Variants in PDE1C observed in about 807,000 individuals in gnomAD.
PDE1C encodes phosphodiesterase 1C.
PDE1C carries 62 observed loss-of-function variants against 93.1 expected under a neutral mutation model. The observed-to-expected ratio is 0.67, with a 90% CI of 0.54 to 0.82. The LOEUF is 0.82. Ranked by LOEUF, PDE1C falls within the 40% of genes least tolerant of loss-of-function variation. PDE1C has a pLI of 0.00. For synonymous variants in PDE1C, 325 were observed against 310.1 expected (o/e 1.05, Z -0.50); for missense variants, 742 against 884.6 (o/e 0.84, Z 2.04).
At chr7:32,382,838 C>T (rs746981094) in intron 1 of PDE1C, among the ~76,000 whole-genome samples, 2 of 152,218 alleles carry the variant, frequency 1.3e-5, no homozygotes, top group Non-Finnish European at 2.9e-5. Context: ...CTCCGACACC[C>T]GTGTCGTCTC....
At chr7:32,262,923 T>A (rs1319919634) in intron 1 of PDE1C, among the ~76,000 whole-genome samples, 1 of 152,272 alleles carries the variant, frequency 6.6e-6, no homozygotes. Context: ...TAGTCCTCAC[T>A]TACAAAGTTC....
chr7:31,664,628 T>C, the PDE1C span, among the ~76,000 whole-genome samples: 2 of 152,342 alleles, frequency 1.3e-5, no homozygotes, highest in Non-Finnish European at 2.9e-5. Flanking sequence ...ACATCTGAGA[T>C]GGCTTGAAGG....
At chr7:32,360,502 C>T (rs891917706) in intron 1 of PDE1C, among the ~76,000 whole-genome samples, 31 of 152,124 alleles carry the variant, frequency 2.0e-4, no homozygotes, top group African/African-American at 6.8e-4. Context: ...GTGTGCAGCG[C>T]TGCTCTGGTT....
intron 17 of PDE1C, among the ~76,000 whole-genome samples, chr7:31,765,293 T>A (rs1795072887): frequency 6.6e-6 from 1 of 152,168 alleles, no homozygotes; most frequent in African/African-American, 2.4e-5. Flanking sequence ...AAAAATGAAC[T>A]CCCTCAAGGT....
chr7:32,283,732 G>A (rs1045895572), intron 1 of PDE1C, among the ~76,000 whole-genome samples: 16 of 152,288 alleles, frequency 1.1e-4, no homozygotes, highest in Admixed American at 2.6e-4. Flanking sequence ...CAACGGTCCC[G>A]TCCCAATGCA....
intron 1 of PDE1C, among the ~76,000 whole-genome samples, chr7:32,218,923 G>A (rs1224418743): frequency 1.3e-5 from 2 of 152,166 alleles, no homozygotes. Context: ...TCACAGAGCT[G>A]TGCTGGATGT....
chr7:31,617,270 T>G, the PDE1C span, among the ~76,000 whole-genome samples: 1 of 152,134 alleles, frequency 6.6e-6, no homozygotes. Context: ...AATTTAACTT[T>G]GCAAAGGGGA....
intron 2 of PDE1C, among the ~76,000 whole-genome samples, chr7:31,947,554 C>A (rs1806786607): frequency 6.6e-6 from 1 of 152,182 alleles, no homozygotes; most frequent in African/African-American, 2.4e-5. Flanking sequence ...TCAGCCAGGC[C>A]TTCCCTATAG....
At chr7:31,917,487 T>C (rs1802075690) in intron 2 of PDE1C, among the ~76,000 whole-genome samples, 1 of 152,210 alleles carries the variant, frequency 6.6e-6, no homozygotes, top group African/African-American at 2.4e-5. Flanking sequence ...CAAGCCTTTC[T>C]AGACTAGTCT....
rs1459627738 is a variant in PDE1C at position 31,751,185 on chromosome 7, A to T, written c.*2199T>A. 6.6e-6 allele frequency: 1 copy of T among 152,230 alleles called. No individual in the cohort carries two copies. Among genetic ancestry groups the T allele is most frequent in the Non-Finnish European group, 1.5e-5 (1 of 68,042 alleles). 9.4% of individuals were successfully genotyped at this position (152,230 alleles called of 1,614,324 possible). A position where few individuals can be genotyped will look rare whatever the true frequency, so the allele number is the denominator to read the frequency against. On this transcript the variant is annotated 3_prime_UTR_variant, in exon 18 of 18. Transcript: ENST00000396191. ...TGGCTCACATACAAGAAAGTCTGTT[A>T]AAAGCATCTTTTTATTTGCTGTAAG...
intron 2 of PDE1C, among the ~76,000 whole-genome samples, chr7:32,190,581 C>T (rs992059968): frequency 4.6e-5 from 7 of 152,142 alleles, no homozygotes; most frequent in Admixed American, 3.3e-4. Context: ...TAAGAACTTC[C>T]AGGGGATGAG....
intron 2 of PDE1C, among the ~76,000 whole-genome samples, chr7:31,921,288 A>T (rs1284287369): frequency 6.6e-6 from 1 of 152,200 alleles, no homozygotes; most frequent in Non-Finnish European, 1.5e-5. Context: ...TCTCATGCAG[A>T]TTGTTTGGGA....
At chr7:31,972,445 G>C (rs144020991) in intron 2 of PDE1C, among the ~76,000 whole-genome samples, 1 of 152,256 alleles carries the variant, frequency 6.6e-6, no homozygotes, top group African/African-American at 2.4e-5. Flanking sequence ...TAGAATCTTA[G>C]AGAAAGTCTC....
chr7:31,984,460 ACCAC>A (rs1469330521), intron 2 of PDE1C, among the ~76,000 whole-genome samples: 1 of 152,120 alleles, frequency 6.6e-6, no homozygotes, highest in African/African-American at 2.4e-5. Flanking sequence ...GATGCAGTTC[ACCAC>A]CCACAGTGCC....
At chr7:31,781,697 C>G (rs181200245) in intron 16 of PDE1C, among the ~76,000 whole-genome samples, 7 of 123,988 alleles carry the variant, frequency 5.6e-5, no homozygotes, top group African/African-American at 9.0e-5. Flanking sequence ...CCCCACCCCC[C>G]ACCCCCCACA....
chr7:32,223,919 C>T (rs1005393892), intron 1 of PDE1C, among the ~76,000 whole-genome samples: 1 of 152,202 alleles, frequency 6.6e-6, no homozygotes, highest in Non-Finnish European at 1.5e-5. Flanking sequence ...CACAATGTGG[C>T]CCAGCCATCC....
chr7:31,982,059 T>C (rs1405952666), intron 2 of PDE1C, among the ~76,000 whole-genome samples: 1 of 152,236 alleles, frequency 6.6e-6, no homozygotes, highest in Non-Finnish European at 1.5e-5. Flanking sequence ...GCTATCTGCA[T>C]GATATTCCAC....
intron 2 of PDE1C, among the ~76,000 whole-genome samples, chr7:31,929,797 A>G (rs1224837702): frequency 6.6e-6 from 1 of 152,220 alleles, no homozygotes; most frequent in East Asian, 1.9e-4. Context: ...TGTTTAGAGG[A>G]AAATTTATAG....
At chr7:32,307,048 T>A (rs1330010492) in intron 1 of PDE1C, among the ~76,000 whole-genome samples, 1 of 152,244 alleles carries the variant, frequency 6.6e-6, no homozygotes, top group Non-Finnish European at 1.5e-5. Context: ...TGGAGAGGAT[T>A]CAGACCTTCT....
Sources: gnomAD v4.1 joint callset for allele counts (sites outside exome capture counted in the v4.1 genomes callset) on GRCh38, gnomAD v4.1.1 for gene constraint, MANE v1.5 for transcripts, NCBI Gene and HGNC (gene_info 2026-07-23, HGNC 2026-07-21) for gene names.